Variants in TECRL observed in about 807,000 individuals in gnomAD.
TECRL encodes trans-2,3-enoyl-CoA reductase-like.
A neutral mutation model predicts 52.8 loss-of-function variants in TECRL; 63 were observed. The observed-to-expected ratio is 1.19, with a 90% CI of 0.97 to 1.47. The LOEUF is 1.47. Among genes scored for constraint, TECRL ranks in the 40% most tolerant of loss-of-function variants. The probability of loss-of-function intolerance (pLI) is 0.00; values close to 1 mark genes in which losing one functional copy is unlikely to be tolerated. For missense variants in TECRL, 482 were observed against 429.6 expected (o/e 1.12, Z -1.08); for synonymous variants, 164 against 141.9 (o/e 1.16, Z -1.10).
chr4:64,390,934 T>C (rs1217349055), intron 1 of TECRL, among the ~76,000 whole-genome samples: 1 of 151,862 alleles, frequency 6.6e-6, no homozygotes, highest in African/African-American at 2.4e-5. Context: ...AGAAAGTTCA[T>C]ATCACTAATG....
chr4:64,313,459 T>G (rs990916662), intron 5 of TECRL, among the ~76,000 whole-genome samples: 6 of 150,858 alleles, frequency 4.0e-5, no homozygotes, highest in Non-Finnish European at 8.8e-5. Flanking sequence ...TAGAATACTT[T>G]GTTTATTGCC....
chr4:64,304,089 A>G (rs1195326769), intron 7 of TECRL, among the ~76,000 whole-genome samples: 1 of 151,910 alleles, frequency 6.6e-6, no homozygotes, highest in African/African-American at 2.4e-5. Context: ...TTTTACATAT[A>G]TTAACAAAAT....
intron 7 of TECRL, among the ~76,000 whole-genome samples, chr4:64,301,399 A>G (rs2109977100): frequency 6.6e-6 from 1 of 151,350 alleles, no homozygotes; most frequent in South Asian, 2.1e-4. Flanking sequence ...TGTATCAGCC[A>G]TAATTCTTTT....
At chr4:64,334,030 CAAAAAAAA>C (rs4034910) in intron 2 of TECRL, among the ~76,000 whole-genome samples, 4 of 28,042 alleles carry the variant, frequency 1.4e-4, no homozygotes, top group South Asian at 3.3e-3. Context: ...GACTCCGTCT[CAAAAAAAA>C]AAAAAAAAAA....
At chr4:64,354,481 T>A (rs1248333309) in intron 2 of TECRL, among the ~76,000 whole-genome samples, 1 of 152,006 alleles carries the variant, frequency 6.6e-6, no homozygotes, top group Non-Finnish European at 1.5e-5. Context: ...TTCTAGAAAA[T>A]TTTTCCAAAA....
At chr4:64,335,932 G>C (rs999281646) in intron 2 of TECRL, among the ~76,000 whole-genome samples, 1 of 152,074 alleles carries the variant, frequency 6.6e-6, no homozygotes, top group Non-Finnish European at 1.5e-5. Flanking sequence ...ATTTTATTGA[G>C]AATTTTTGCA....
rs568437621 is a variant in TECRL, at chr4:64,315,810, A to T, written c.436-1047T>A. Among the ~76,000 whole-genome samples the T allele has an allele frequency of 1.4e-4, 21 of 152,232 alleles. No homozygotes were observed. The East Asian group carries it at 3.1e-3, about 22-fold the overall frequency. On this transcript the variant is annotated intron_variant, in intron 4 of 11. Transcript: ENST00000381210. ...TACATACATAATTACACACAAATAC[A>T]TAAATAGTAATTTACATATGGAGGT...
At chr4:64,333,340 C>A (rs918968489) in intron 2 of TECRL, among the ~76,000 whole-genome samples, 4 of 151,962 alleles carry the variant, frequency 2.6e-5, no homozygotes, top group African/African-American at 9.7e-5. Flanking sequence ...ATTTGACTAA[C>A]AAGTCTTACT....
At position 64,278,856 on chromosome 4, in the gene TECRL, G is replaced by A. The variant is rs1365368932; in HGVS notation, c.*1216C>T. 1.3e-5 allele frequency: 2 copies of A among 152,064 alleles called. No individual in the cohort carries two copies. The highest frequency in any genetic ancestry group is 2.4e-5 in the African/African-American group (1 of 41,412). 9.4% of individuals were successfully genotyped at this position (152,064 alleles called of 1,614,324 possible). ...AGCTTCCACATATAAGTAATAACAT[G>A]CAATGTTTAACTTTCTGTTCCTGGC... On this transcript the variant is annotated 3_prime_UTR_variant, in exon 12 of 12. Transcript: ENST00000381210.
chr4:64,387,573 T>C (rs1197602891), intron 1 of TECRL, among the ~76,000 whole-genome samples: 1 of 152,126 alleles, frequency 6.6e-6, no homozygotes, highest in African/African-American at 2.4e-5. Context: ...CAGCATATGA[T>C]GTCAGTGTTC....
At chr4:64,338,417 C>A (rs984836254) in intron 2 of TECRL, among the ~76,000 whole-genome samples, 10 of 152,102 alleles carry the variant, frequency 6.6e-5, no homozygotes, top group African/African-American at 1.9e-4. Context: ...GCAACAAAAG[C>A]CAAAATTGAC....
At chr4:64,365,773 A>G (rs1032591913) in intron 2 of TECRL, among the ~76,000 whole-genome samples, 2 of 152,256 alleles carry the variant, frequency 1.3e-5, no homozygotes, top group Middle Eastern at 3.4e-3. Context: ...ATGTATAAAA[A>G]GAATCAATAT....
At chr4:64,330,102 A>G (rs1219639382) in intron 2 of TECRL, among the ~76,000 whole-genome samples, 1 of 151,992 alleles carries the variant, frequency 6.6e-6, no homozygotes, top group Non-Finnish European at 1.5e-5. Flanking sequence ...AGTAACCAAA[A>G]TATGTTTATA....
At chr4:64,321,044 G>A (rs1336093110) in intron 4 of TECRL, among the ~76,000 whole-genome samples, 2 of 151,830 alleles carry the variant, frequency 1.3e-5, no homozygotes, top group African/African-American at 4.8e-5. Context: ...TTACTGTACT[G>A]CAAACACGAC....
At chr4:64,355,794 C>CAAAAAAAAAAAAAAAAA (rs1161940429) in intron 2 of TECRL, among the ~76,000 whole-genome samples, 1 of 119,692 alleles carries the variant, frequency 8.4e-6, no homozygotes, top group African/African-American at 3.2e-5. Context: ...GACTCTGTCT[C>CAAAAAAAAAAAAAAAAA]AAAAAAAAAA....
intron 1 of TECRL, among the ~76,000 whole-genome samples, chr4:64,395,264 A>G (rs1023743109): frequency 1.3e-5 from 2 of 152,048 alleles, no homozygotes; most frequent in African/African-American, 2.4e-5. Context: ...ATTTTACCCA[A>G]ATTATATTTT....
At chr4:64,288,670 C>T (rs1355807774) in intron 9 of TECRL, among the ~76,000 whole-genome samples, 1 of 152,024 alleles carries the variant, frequency 6.6e-6, no homozygotes, top group Non-Finnish European at 1.5e-5. Context: ...GCCAAACTTG[C>T]CCTCCCAAAA....
At chr4:64,382,961 G>A (rs1416768528) in intron 1 of TECRL, among the ~76,000 whole-genome samples, 1 of 152,042 alleles carries the variant, frequency 6.6e-6, no homozygotes, top group African/African-American at 2.4e-5. Flanking sequence ...AGCATTTCTT[G>A]TAGGATCAGT....
rs758234133 is a variant in TECRL at position 64,409,307 on chromosome 4, T to C, written c.45A>G (p.Ala15=). 1.2e-6 allele frequency: 2 copies of C among 1,613,794 alleles called. No homozygotes were observed. Among genetic ancestry groups the C allele is most frequent in the East Asian group, 4.5e-5 (2 of 44,836 alleles). Residue 15 remains alanine (A), a synonymous_variant, in exon 1 of 12, where the codon GCA becomes GCG. Coordinates refer to ENST00000381210, the MANE Select transcript of TECRL (RefSeq NM_001010874.5). ...ACCGTGTAGCTCTTTGGGAAAGTAA[T>C]GCTCTCTTGCGTTCCGAAGCGAGGG... The part of the protein sequence containing the change: ...HKSLASERKR[A]LLSQRATRFI...
Sources: gnomAD v4.1 joint callset for allele counts (sites outside exome capture counted in the v4.1 genomes callset) on GRCh38, gnomAD v4.1.1 for gene constraint, MANE v1.5 for transcripts, NCBI Gene and HGNC (gene_info 2026-07-23, HGNC 2026-07-21) for gene names.